Variants in SVOPL observed in about 807,000 individuals in gnomAD.
SVOPL encodes putative transporter SVOPL.
Under a neutral mutation model 61.0 loss-of-function variants are expected in SVOPL, and 60 were observed. The observed-to-expected ratio is 0.98, with a 90% confidence interval of 0.80 to 1.22. The LOEUF is 1.22. Ranked by LOEUF, SVOPL falls within the 50% of genes most tolerant of loss-of-function variation. The pLI is 0.00. For synonymous variants in SVOPL, 279 were observed against 250.0 expected (o/e 1.12, Z -1.09); for missense variants, 662 against 643.9 (o/e 1.03, Z -0.30).
intron 8 of SVOPL, among the ~76,000 whole-genome samples, chr7:138,648,252 G>A (rs1175075322): frequency 6.6e-6 from 1 of 152,056 alleles, no homozygotes. Context: ...GGGGCAACGA[G>A]GCAGGCTAAG....
chr7:138,693,348 T>C (rs756451685), intron 1 of SVOPL, among the ~76,000 whole-genome samples: 7 of 151,754 alleles, frequency 4.6e-5, no homozygotes, highest in Non-Finnish European at 8.8e-5. Context: ...AGACCTCTTC[T>C]GTACTAAAAA....
intron 13 of SVOPL, among the ~76,000 whole-genome samples, chr7:138,625,373 A>C (rs1799846956): frequency 6.6e-6 from 1 of 152,180 alleles, no homozygotes; most frequent in Non-Finnish European, 1.5e-5. Context: ...CCTGTAGCTC[A>C]ACGAATGACA....
chr7:138,599,414 A>C lies in SVOPL; in HGVS notation c.1354-2884T>G, dbSNP rs182886696. On this transcript the variant is annotated intron_variant, in intron 14 of 15. Transcript: ENST00000674285. ...AGCAATGAGTCACAAAATAGATCCA[A>C]GTATCTATGGACATTTGGTTTATTA... Among the ~76,000 whole-genome samples, 80 of 152,292 alleles carry C rather than the reference A, an allele frequency of 5.3e-4. 1 individual carries two copies. Among genetic ancestry groups the C allele is most frequent in the African/African-American group, 1.9e-3 (77 of 41,562 alleles).
intron 9 of SVOPL, among the ~76,000 whole-genome samples, chr7:138,643,636 C>T (rs909092059): frequency 6.7e-5 from 10 of 149,342 alleles, no homozygotes; most frequent in East Asian, 2.0e-4. Flanking sequence ...GGACATTATG[C>T]GAAATGAAAT....
At chr7:138,643,955 GC>G (rs1045767334) in intron 9 of SVOPL, among the ~76,000 whole-genome samples, 5 of 151,904 alleles carry the variant, frequency 3.3e-5, no homozygotes, top group African/African-American at 1.2e-4. Flanking sequence ...TATAATCCCA[GC>G]ACTTTGGGAG....
At chr7:138,597,769 T>TCTAGAATTAGACA (rs1294251153) in intron 14 of SVOPL, among the ~76,000 whole-genome samples, 2 of 152,094 alleles carry the variant, frequency 1.3e-5, no homozygotes, top group Non-Finnish European at 2.9e-5. Flanking sequence ...ATTAGGCATG[T>TCTAGAATTAGACA]GTCTAGATTC....
chr7:138,639,462 A>G (rs1405770407), intron 9 of SVOPL, among the ~76,000 whole-genome samples: 1 of 151,390 alleles, frequency 6.6e-6, no homozygotes, highest in Admixed American at 6.6e-5. Flanking sequence ...CCCTGTCTCT[A>G]TTAAAAAAAC....
chr7:138,651,331 C>G (rs1175244438), intron 7 of SVOPL, among the ~76,000 whole-genome samples: 1 of 152,146 alleles, frequency 6.6e-6, no homozygotes, highest in Non-Finnish European at 1.5e-5. Flanking sequence ...GGAATTGGAC[C>G]TATGGCTTCA....
In SVOPL at chr7:138,631,363, T is replaced by C. The variant is rs182378128; in HGVS notation, c.790-1241A>G. Among the ~76,000 whole-genome samples, 11 of 152,292 alleles carry C rather than the reference T, an allele frequency of 7.2e-5. No individual in the cohort carries two copies. In the East Asian group the frequency reaches 1.3e-3, roughly 19 times the overall value. The stretch of plus-strand genomic sequence containing the variant: ...CAATCCAATTACACACCTTAAGTTA[T>C]TCTAAAATGTATGAGTAAGTTATTA... On this transcript the variant is annotated intron_variant, in intron 9 of 15. Coordinates refer to ENST00000674285, the MANE Select transcript of SVOPL (RefSeq NM_001139456.2).
chr7:138,677,797 C>T (rs1202539132), intron 3 of SVOPL, among the ~76,000 whole-genome samples: 2 of 138,872 alleles, frequency 1.4e-5, no homozygotes, highest in African/African-American at 2.7e-5. Context: ...CAGTCTCGCT[C>T]TGTCATTCAA....
In SVOPL at chr7:138,682,222, G is replaced by C. The variant is rs192409011; in HGVS notation, c.-34-3143C>G. On this transcript the variant is annotated intron_variant, in intron 1 of 15. Coordinates refer to ENST00000674285, the MANE Select transcript of SVOPL (RefSeq NM_001139456.2). ...CAGTCATCACTGGCTTGTAAACTAT[G>C]AGGTGAAAGGCTGATGGTGAACTTT... 3.7e-3 allele frequency among the ~76,000 whole-genome samples: 558 copies of C among 152,260 alleles called. 3 individuals are homozygous for C. The highest frequency in any genetic ancestry group is 6.2e-3 in the Admixed American group (95 of 15,278).
rs188074511 is a variant in SVOPL at position 138,659,975 on chromosome 7, G to C, written c.359C>G (p.Ser120Trp). Residue 120 changes from serine to tryptophan, a missense_variant, in exon 6 of 16, where the codon TCG becomes TGG. Coordinates refer to ENST00000674285, the MANE Select transcript of SVOPL (RefSeq NM_001139456.2). ...RYGRWKILLI[S>W]FLWGAYFSLL... ...GGAGAAATAGGCTCCCCACAGGAACGAGATGAGCAGAATCTGAAGCAACAG... is the reference window on the plus strand; with the variant it reads ...GGAGAAATAGGCTCCCCACAGGAACCAGATGAGCAGAATCTGAAGCAACAG... 2 of 1,551,392 alleles carry C rather than the reference G, an allele frequency of 1.3e-6. No individual in the cohort carries two copies. Among genetic ancestry groups the C allele is most frequent in the East Asian group, 2.4e-5 (1 of 40,904 alleles).
chr7:138,602,441 C>CTATATATATATATATATATA (rs59400217), intron 14 of SVOPL, among the ~76,000 whole-genome samples: 20 of 140,730 alleles, frequency 1.4e-4, no homozygotes, highest in Admixed American at 2.9e-4. Context: ...AAGGCAGTTG[C>CTATATATATATATATATATA]TATATATATA....
intron 8 of SVOPL, chr7:138,645,887 C>A: frequency 6.3e-6 from 1 of 159,334 alleles, no homozygotes; most frequent in Non-Finnish European, 1.4e-5. Context: ...GCAATCTCAG[C>A]TCACTGCAAC....
chr7:138,655,960 G>T (rs1801709901), intron 7 of SVOPL, among the ~76,000 whole-genome samples: 2 of 152,154 alleles, frequency 1.3e-5, no homozygotes, highest in South Asian at 4.1e-4. Context: ...TGGGTCAAAT[G>T]CTATCAAACA....
chr7:138,662,083 G>A (rs1410995642), intron 5 of SVOPL: 1 of 985,354 alleles, frequency 1.0e-6, no homozygotes, highest in Non-Finnish European at 1.2e-6. Flanking sequence ...CTACAGTTTG[G>A]GTGGCTTCTT....
intron 12 of SVOPL, among the ~76,000 whole-genome samples, chr7:138,626,944 C>T (rs1408695064): frequency 2.0e-5 from 3 of 152,086 alleles, no homozygotes; most frequent in Non-Finnish European, 4.4e-5. Context: ...AGAGCTCAGG[C>T]CACTCCAGGA....
At chr7:138,601,128 T>C (rs576042549) in intron 14 of SVOPL, among the ~76,000 whole-genome samples, 4 of 151,904 alleles carry the variant, frequency 2.6e-5, no homozygotes, top group African/African-American at 9.6e-5. Flanking sequence ...GGCAGGCACC[T>C]GTAGTCCCAG....
intron 7 of SVOPL, among the ~76,000 whole-genome samples, chr7:138,649,944 G>A (rs1265093387): frequency 6.6e-6 from 1 of 152,080 alleles, no homozygotes; most frequent in Non-Finnish European, 1.5e-5. Flanking sequence ...CAATTCTCCT[G>A]CCTCAGCCTC....
Sources: gnomAD v4.1 joint callset for allele counts (sites outside exome capture counted in the v4.1 genomes callset) on GRCh38, gnomAD v4.1.1 for gene constraint, MANE v1.5 for transcripts, NCBI Gene and HGNC (gene_info 2026-07-23, HGNC 2026-07-21) for gene names.